Variants in DPP10 observed in about 807,000 individuals in gnomAD.
DPP10 encodes the protein inactive dipeptidyl peptidase 10.
In DPP10, 33 loss-of-function variants were observed where a neutral mutation model predicts 120.9. The observed-to-expected ratio is 0.27, with a 90% CI of 0.21 to 0.37. The LOEUF is 0.37. DPP10 is among the 10% of genes least tolerant of loss of function. The probability of loss-of-function intolerance (pLI) is 1.00; values close to 1 mark genes in which losing one functional copy is unlikely to be tolerated. For synonymous variants in DPP10, 337 were observed against 326.1 expected (o/e 1.03, Z -0.36); for missense variants, 816 against 942.8 (o/e 0.87, Z 1.76).
At chr2:114,514,462 A>G (rs1684423890) in intron 1 of DPP10, among the ~76,000 whole-genome samples, 1 of 152,194 alleles carries the variant, frequency 6.6e-6, no homozygotes, top group African/African-American at 2.4e-5. Flanking sequence ...TTTAGCATCT[A>G]CAAAAATTCA....
At chr2:115,721,894 A>G (rs1327879875) in intron 7 of DPP10, among the ~76,000 whole-genome samples, 1 of 152,208 alleles carries the variant, frequency 6.6e-6, no homozygotes, top group Non-Finnish European at 1.5e-5. Flanking sequence ...TGCCATATAC[A>G]TGCAATGGAA....
intron 1 of DPP10, among the ~76,000 whole-genome samples, chr2:115,000,179 C>A (rs1044252677): frequency 1.6e-4 from 24 of 151,566 alleles, no homozygotes; most frequent in African/African-American, 5.8e-4. Context: ...TAGTATTGGG[C>A]CCTCATTTTA....
intron 1 of DPP10, among the ~76,000 whole-genome samples, chr2:114,846,805 C>A (rs1279208159): frequency 6.6e-6 from 1 of 152,080 alleles, no homozygotes; most frequent in African/African-American, 2.4e-5. Context: ...TGGCTACTTC[C>A]AATTAGGCTG....
intron 5 of DPP10, among the ~76,000 whole-genome samples, chr2:115,619,071 C>G (rs1362005484): frequency 1.3e-5 from 1 of 76,418 alleles, no homozygotes; most frequent in East Asian, 4.1e-4. Context: ...TGGTGCAACA[C>G]TGCCAAATTG....
chr2:115,318,791 A>G (rs1470963993), intron 2 of DPP10, among the ~76,000 whole-genome samples: 2 of 152,140 alleles, frequency 1.3e-5, no homozygotes, highest in African/African-American at 4.8e-5. Flanking sequence ...GAAATCATCT[A>G]TTAGCTTTAG....
At chr2:115,318,419 C>A (rs1383156651) in intron 2 of DPP10, among the ~76,000 whole-genome samples, 1 of 152,006 alleles carries the variant, frequency 6.6e-6, no homozygotes, top group Admixed American at 6.6e-5. Context: ...CATCACAGTT[C>A]CATATAAATT....
At chr2:115,231,165 GA>G (rs568155726) in intron 1 of DPP10, among the ~76,000 whole-genome samples, 8 of 151,260 alleles carry the variant, frequency 5.3e-5, no homozygotes, top group African/African-American at 1.7e-4. Flanking sequence ...TTCTGTAGTA[GA>G]AAAAAAATAG....
At chr2:114,548,640 G>C (rs1360376281) in intron 1 of DPP10, among the ~76,000 whole-genome samples, 1 of 152,198 alleles carries the variant, frequency 6.6e-6, no homozygotes, top group East Asian at 1.9e-4. Flanking sequence ...TCCCTAAACA[G>C]CGACTTCATT....
chr2:115,378,480 G>C (rs373764379), intron 3 of DPP10, among the ~76,000 whole-genome samples: 12 of 151,712 alleles, frequency 7.9e-5, no homozygotes, highest in African/African-American at 1.5e-4. Flanking sequence ...TCTAGATATA[G>C]AATCATGTCA....
intron 1 of DPP10, among the ~76,000 whole-genome samples, chr2:115,062,892 T>C (rs557280650): frequency 5.9e-5 from 9 of 152,212 alleles, no homozygotes; most frequent in African/African-American, 1.7e-4. Context: ...TTATATTTCA[T>C]TGGGTATATA....
intron 1 of DPP10, among the ~76,000 whole-genome samples, chr2:114,677,944 A>G (rs1290390396): frequency 6.6e-6 from 1 of 152,162 alleles, no homozygotes; most frequent in African/African-American, 2.4e-5. Context: ...TGTGATTTAT[A>G]AAATAAATAT....
chr2:114,468,994 G>A (rs1168334958), intron 1 of DPP10, among the ~76,000 whole-genome samples: 1 of 152,196 alleles, frequency 6.6e-6, no homozygotes, highest in Non-Finnish European at 1.5e-5. Flanking sequence ...GCTTCCTAAT[G>A]ATGCAGAAGT....
intron 1 of DPP10, among the ~76,000 whole-genome samples, chr2:114,628,224 A>G (rs950927326): frequency 2.0e-5 from 3 of 152,094 alleles, no homozygotes; most frequent in Non-Finnish European, 2.9e-5. Context: ...AGAGGCCAGT[A>G]TTTTCTAAAT....
intron 1 of DPP10, among the ~76,000 whole-genome samples, chr2:115,259,597 G>T (rs1457183948): frequency 6.6e-6 from 1 of 151,886 alleles, no homozygotes; most frequent in African/African-American, 2.4e-5. Flanking sequence ...TTTACTTATT[G>T]TTCATTGGCC....
chr2:115,092,994 A>G (rs1331399679), intron 1 of DPP10, among the ~76,000 whole-genome samples: 3 of 152,190 alleles, frequency 2.0e-5, no homozygotes, highest in South Asian at 4.1e-4. Flanking sequence ...TTTCTTCAGC[A>G]GAAGTTACCT....
intron 7 of DPP10, among the ~76,000 whole-genome samples, chr2:115,719,710 T>C (rs2149604673): frequency 6.6e-6 from 1 of 152,324 alleles, no homozygotes; most frequent in East Asian, 1.9e-4. Context: ...GTCTTTATGG[T>C]AATATTCTTA....
At chr2:115,637,881 G>A (rs1241734116) in intron 5 of DPP10, among the ~76,000 whole-genome samples, 2 of 152,084 alleles carry the variant, frequency 1.3e-5, no homozygotes, top group Non-Finnish European at 2.9e-5. Flanking sequence ...TACCACCCTT[G>A]TACCTGTATC....
At chr2:114,770,246 A>C (rs188043024) in intron 1 of DPP10, among the ~76,000 whole-genome samples, 15 of 152,190 alleles carry the variant, frequency 9.9e-5, no homozygotes, top group Admixed American at 2.0e-4. Flanking sequence ...TTCTAATTCC[A>C]TGGTTCAGTG....
At chr2:114,702,310 T>G (rs543719636) in intron 1 of DPP10, among the ~76,000 whole-genome samples, 1 of 152,110 alleles carries the variant, frequency 6.6e-6, no homozygotes, top group South Asian at 2.1e-4. Flanking sequence ...AAATTTTTTT[T>G]TTTTGACAGT....
Sources: gnomAD v4.1 joint callset for allele counts (sites outside exome capture counted in the v4.1 genomes callset) on GRCh38, gnomAD v4.1.1 for gene constraint, MANE v1.5 for transcripts, NCBI Gene and HGNC (gene_info 2026-07-23, HGNC 2026-07-21) for gene names.